The following SCYL2 variants were observed in gnomAD, a reference collection of about 807,000 sequenced individuals.
The protein encoded by SCYL2 is SCY1 like pseudokinase 2.
In SCYL2, 36 loss-of-function variants were observed where a neutral mutation model predicts 100.4. That is an observed-to-expected ratio of 0.36 (90% confidence interval 0.27 to 0.47). The LOEUF (loss-of-function observed/expected upper bound fraction) is 0.47, where lower values mean the gene tolerates loss of function less well. Among genes scored for constraint, SCYL2 ranks in the 20% least tolerant of loss-of-function variants. The pLI, the probability that SCYL2 is intolerant of heterozygous loss-of-function variation, is 1.00. For synonymous variants in SCYL2, 330 were observed against 359.2 expected, an observed-to-expected ratio of 0.92 and a Z score of 0.92; for missense variants, 902 against 1,083.9, an observed-to-expected ratio of 0.83 and a Z score of 2.36.
At chr12:100,288,447 CA>C (rs1334127611) in intron 2 of SCYL2, among the ~76,000 whole-genome samples, 1 of 152,122 alleles carries the variant, frequency 6.6e-6, no homozygotes, top group Admixed American at 6.5e-5. Context: ...CATGTCCAGC[CA>C]GTGTTTTCTT....
intron 3 of SCYL2, among the ~76,000 whole-genome samples, chr12:100,297,721 G>A (rs998052400): frequency 1.2e-4 from 19 of 152,254 alleles, no homozygotes; most frequent in Non-Finnish European, 1.8e-4. Flanking sequence ...TTTCCATAAA[G>A]AATATCAATC....
chr12:100,291,828 A>G, intron 3 of SCYL2, 168 bp downstream of exon 3: 2 of 592,894 alleles, frequency 3.4e-6, no homozygotes, highest in Middle Eastern at 4.4e-4. Context: ...TTGTCTACGT[A>G]TATGTCTCTC....
chr12:100,294,720 G>A (rs1228321680), intron 3 of SCYL2, among the ~76,000 whole-genome samples: 184 of 126,012 alleles, frequency 1.5e-3, no homozygotes, highest in African/African-American at 5.8e-3. Context: ...CCTCCCTCCC[G>A]GACGGGGTGG....
chr12:100,278,682 T>C (rs933431270), intron 1 of SCYL2, among the ~76,000 whole-genome samples: 2 of 147,470 alleles, frequency 1.4e-5, no homozygotes, highest in Non-Finnish European at 3.0e-5. Context: ...CAAGCTGGAG[T>C]GCAGTGGCGT....
intron 6 of SCYL2, among the ~76,000 whole-genome samples, chr12:100,313,013 T>A (rs1287970563): frequency 6.6e-6 from 1 of 152,102 alleles, no homozygotes; most frequent in Non-Finnish European, 1.5e-5. Context: ...TAGTCCCAGC[T>A]ACTTGGAAGG....
chr12:100,291,580 T>G lies in SCYL2; in HGVS notation c.255T>G (p.Ser85=). The part of the protein sequence containing the change: ...QKFEKDQIID[S]LKRGVQQLTR... ...TTGAAAAGGATCAAATCATTGATTC[T>G]CTAAAACGAGGAGTCCAACAGTTAA... The change falls in exon 3 of 18, where the codon TCT becomes TCG. Residue 85 remains serine (S), a synonymous_variant. Coordinates refer to ENST00000360820, the MANE Select transcript of SCYL2 (RefSeq NM_017988.6). The G allele has an allele frequency of 6.3e-7, 1 of 1,599,618 alleles. No homozygotes were observed. The highest frequency in any genetic ancestry group is 8.5e-7 in the Non-Finnish European group (1 of 1,175,418).
At chr12:100,330,755 T>G (rs987915561) in intron 13 of SCYL2, among the ~76,000 whole-genome samples, 1 of 152,020 alleles carries the variant, frequency 6.6e-6, no homozygotes, top group African/African-American at 2.4e-5. Context: ...TTTATAAAAC[T>G]AATCAGAATG....
rs932173817 is a variant in SCYL2, at chr12:100,293,892, G to A, written c.335+2232G>A. Among the ~76,000 whole-genome samples the A allele has an allele frequency of 2.0e-5, 3 of 152,260 alleles. No individual in the cohort carries two copies. The East Asian group carries it at 5.8e-4, about 29-fold the overall frequency. ...TCCCAAGGCAGAAGAATTTTTCTTA[G>A]TATAGAACAAAATGAAAAGTCTCCC... On this transcript the variant is annotated intron_variant, in intron 3 of 17. Coordinates refer to ENST00000360820, the MANE Select transcript of SCYL2 (RefSeq NM_017988.6).
In SCYL2 at chr12:100,283,152, GTT is replaced by G. The variant is rs1247183523; in HGVS notation, c.177+8_177+9del. ...ACAAAAAAGTCAACAAAGCAGGTGAGTTTTAATTCAGCATCCACTTGGAAAAA... is the reference window on the plus strand; with the variant it reads ...ACAAAAAAGTCAACAAAGCAGGTGAGTTAATTCAGCATCCACTTGGAAAAA... On this transcript the variant is annotated splice_donor_region_variant and intron_variant, in intron 2 of 17. Transcript: ENST00000360820. 4 of 1,585,742 alleles carry G rather than the reference GTT, an allele frequency of 2.5e-6. No homozygotes were observed. The Admixed American group carries it at 7.4e-5, about 29-fold the overall frequency.
chr12:100,322,752 G>A (rs1424567928), intron 10 of SCYL2, among the ~76,000 whole-genome samples: 3 of 151,456 alleles, frequency 2.0e-5, no homozygotes, highest in Non-Finnish European at 4.4e-5. Flanking sequence ...CCCAACTACT[G>A]GATAGGCTGA....
intron 1 of SCYL2, among the ~76,000 whole-genome samples, chr12:100,269,664 T>G (rs530919861): frequency 1.3e-5 from 2 of 152,198 alleles, no homozygotes; most frequent in Non-Finnish European, 2.9e-5. Context: ...GGTGGGTAGT[T>G]AGTTGGTGAT....
chr12:100,332,718 G>GTTTT, intron 13 of SCYL2, among the ~76,000 whole-genome samples: 1 of 140,100 alleles, frequency 7.1e-6, no homozygotes, highest in African/African-American at 2.6e-5. Context: ...TTTTATTTTT[G>GTTTT]TTTTTTTTTT....
At chr12:100,277,011 A>G (rs1451965571) in intron 1 of SCYL2, among the ~76,000 whole-genome samples, 1 of 152,082 alleles carries the variant, frequency 6.6e-6, no homozygotes, top group Non-Finnish European at 1.5e-5. Flanking sequence ...GGATTATTTA[A>G]AAGCGTTGAT....
intron 2 of SCYL2, among the ~76,000 whole-genome samples, chr12:100,290,070 A>C (rs1054385519): frequency 3.3e-5 from 5 of 152,218 alleles, no homozygotes; most frequent in Non-Finnish European, 5.9e-5. Flanking sequence ...CATTAATTGA[A>C]TATGTCAGGT....
chr12:100,310,529 A>G (rs1340180670), intron 4 of SCYL2, among the ~76,000 whole-genome samples: 5 of 152,230 alleles, frequency 3.3e-5, no homozygotes, highest in Admixed American at 2.0e-4. Flanking sequence ...GTTTTGGTTG[A>G]CACATTCCGT....
At chr12:100,337,309 AC>A in intron 16 of SCYL2, 77 bp from the exon 17 acceptor site, 1 of 1,567,478 alleles carries the variant, frequency 6.4e-7, no homozygotes, top group Non-Finnish European at 8.6e-7. Flanking sequence ...GATGTACTTT[AC>A]CCGAAGAGAT....
intron 4 of SCYL2, among the ~76,000 whole-genome samples, chr12:100,307,622 A>G (rs953289152): frequency 6.6e-6 from 1 of 152,234 alleles, no homozygotes; most frequent in African/African-American, 2.4e-5. Context: ...AGCAATGGCA[A>G]CAAAAGCCAA....
chr12:100,338,376 G>A (rs1163479322), intron 17 of SCYL2, 152 bp from the exon 18 acceptor site: 2 of 547,650 alleles, frequency 3.7e-6, no homozygotes, highest in South Asian at 3.8e-5. Context: ...GTGGCAGGCT[G>A]TATTTGACCG....
At chr12:100,296,247 A>G (rs1427122662) in intron 3 of SCYL2, among the ~76,000 whole-genome samples, 1 of 152,224 alleles carries the variant, frequency 6.6e-6, no homozygotes, top group Non-Finnish European at 1.5e-5. Flanking sequence ...AGGGAAGAAA[A>G]AGATAACTTC....
Sources: allele counts gnomAD v4.1 joint callset (sites outside exome capture counted in the v4.1 genomes callset), GRCh38; gene constraint gnomAD v4.1.1; transcripts MANE v1.5; gene names NCBI Gene and HGNC (gene_info 2026-07-23, HGNC 2026-07-21).